UACA: variants seen among roughly 807,000 people sequenced by gnomAD.
UACA encodes the protein nuclear membrane binding protein.
A neutral mutation model predicts 160.5 loss-of-function variants in UACA; 112 were observed. The ratio of observed to expected loss-of-function variants is 0.70; its 90% confidence interval spans 0.60 to 0.82. The LOEUF (loss-of-function observed/expected upper bound fraction) is 0.82, where lower values mean the gene tolerates loss of function less well. UACA is among the 40% of genes least tolerant of loss of function. The pLI is 0.00. For missense variants in UACA, 1,574 were observed against 1,614.6 expected, an observed-to-expected ratio of 0.97 and a Z score of 0.43; for synonymous variants, 557 against 568.4, an observed-to-expected ratio of 0.98 and a Z score of 0.29.
At chr15:70,677,048 A>AC (rs1460732265) in intron 12 of UACA, 60 bp downstream of exon 12, 1 of 1,321,524 alleles carries the variant, frequency 7.6e-7, no homozygotes, top group African/African-American at 1.5e-5. Context: ...AACCTTTACT[A>AC]CTATATCATC....
In UACA at chr15:70,656,376, T is replaced by C. The variant is rs1197610915; in HGVS notation, c.*680A>G. On this transcript the variant is annotated 3_prime_UTR_variant, in exon 19 of 19. Coordinates refer to ENST00000322954, the MANE Select transcript of UACA (RefSeq NM_018003.4). ...GCAAGTAAAAATTAAGATACTGTTG[T>C]AGAGATTAAGGCAATTTTATTATAA... The C allele has an allele frequency of 6.6e-6, 1 of 152,200 alleles. No homozygotes were observed. Among genetic ancestry groups the C allele is most frequent in the African/African-American group, 2.4e-5 (1 of 41,452 alleles). The allele number at this position is 152,200 out of a possible 1,614,324, so 9.4% of individuals were successfully genotyped here. A position where few individuals can be genotyped will look rare whatever the true frequency, so the allele number is the denominator to read the frequency against.
At position 70,690,360 on chromosome 15, in the gene UACA, A is replaced by T. The variant is rs1000121676; in HGVS notation, c.424+94T>A. ...TTTAATATTCTTTGTTTCTCCATGAATTATATAAATATCTATGTGTTAAAA... is the reference window on the plus strand; with the variant it reads ...TTTAATATTCTTTGTTTCTCCATGATTTATATAAATATCTATGTGTTAAAA... On this transcript the variant is annotated intron_variant, in intron 5 of 18. Transcript: ENST00000322954. The T allele has an allele frequency of 1.1e-5, 12 of 1,103,440 alleles. No individual in the cohort carries two copies. The African/African-American group carries it at 1.6e-4, about 15-fold the overall frequency. 68.4% of individuals were successfully genotyped at this position (1,103,440 alleles called of 1,614,324 possible).
At chr15:70,745,325 C>T (rs1322695423) in intron 1 of UACA, among the ~76,000 whole-genome samples, 1 of 151,784 alleles carries the variant, frequency 6.6e-6, no homozygotes, top group Non-Finnish European at 1.5e-5. Context: ...GTCCCAGCTA[C>T]TTGGGAGGCT....
intron 15 of UACA, 50 bp from the exon 16 acceptor site, chr15:70,669,512 T>C: frequency 4.3e-6 from 6 of 1,392,422 alleles, no homozygotes; most frequent in Non-Finnish European, 5.8e-6. Context: ...AAATGAGACA[T>C]TTACTATACT....
chr15:70,765,421 T>C (rs1341751451), upstream of UACA, among the ~76,000 whole-genome samples: 1 of 152,206 alleles, frequency 6.6e-6, no homozygotes, highest in Non-Finnish European at 1.5e-5. Flanking sequence ...TTTAAGTGTA[T>C]GTCCCTTCCA....
At chr15:70,712,972 GTC>G (rs1406808107) in intron 1 of UACA, among the ~76,000 whole-genome samples, 2 of 152,290 alleles carry the variant, frequency 1.3e-5, no homozygotes. Context: ...GACAGCCCAA[GTC>G]TCTCTTCCCA....
At chr15:70,718,550 C>A (rs574606957) in intron 1 of UACA, among the ~76,000 whole-genome samples, 11 of 152,138 alleles carry the variant, frequency 7.2e-5, no homozygotes, top group African/African-American at 2.7e-4. Context: ...ACATATCTTA[C>A]GAGGCCTGTT....
At chr15:70,770,103 T>C in the UACA span, among the ~76,000 whole-genome samples, 1 of 152,236 alleles carries the variant, frequency 6.6e-6, no homozygotes, top group Non-Finnish European at 1.5e-5. Flanking sequence ...TTTTTGAACA[T>C]TTGATTACCA....
At chr15:70,670,618 A>G (rs1897103640) in intron 15 of UACA, among the ~76,000 whole-genome samples, 1 of 152,108 alleles carries the variant, frequency 6.6e-6, no homozygotes, top group Admixed American at 6.6e-5. Context: ...AGCTTGCTGC[A>G]GACCCCTACA....
intron 2 of UACA, 95 bp downstream of exon 2, chr15:70,699,432 T>G: frequency 7.1e-7 from 1 of 1,405,632 alleles, no homozygotes; most frequent in Non-Finnish European, 9.7e-7. Context: ...AATTTCTTAA[T>G]AAGTAAGTTG....
At chr15:70,680,748 T>C (rs1337836186) in intron 9 of UACA, among the ~76,000 whole-genome samples, 1 of 152,166 alleles carries the variant, frequency 6.6e-6, no homozygotes, top group Non-Finnish European at 1.5e-5. Flanking sequence ...TTAAGATCCA[T>C]CTTCCTGACA....
rs374885982 is a variant in UACA, at chr15:70,693,300, A to G, written c.301+1717T>C. 5.3e-5 allele frequency among the ~76,000 whole-genome samples: 8 copies of G among 152,324 alleles called. No individual in the cohort carries two copies. The East Asian group carries it at 1.3e-3, about 26-fold the overall frequency. On this transcript the variant is annotated intron_variant, in intron 3 of 18. Transcript: ENST00000322954. ...AAAACCAAGGAAACACCAGATCTAAAGCATACCAACATAAATTACAACACA... is the reference window on the plus strand; with the variant it reads ...AAAACCAAGGAAACACCAGATCTAAGGCATACCAACATAAATTACAACACA...
At chr15:70,718,067 C>G (rs991627776) in intron 1 of UACA, among the ~76,000 whole-genome samples, 45 of 138,376 alleles carry the variant, frequency 3.3e-4, no homozygotes, top group Admixed American at 3.1e-3. Context: ...ACATATATAT[C>G]CTATTAGTTT....
intron 4 of UACA, 43 bp downstream of exon 4, chr15:70,691,256 G>C: frequency 1.5e-6 from 2 of 1,365,572 alleles, no homozygotes; most frequent in Non-Finnish European, 2.0e-6. Flanking sequence ...TCTATGATTT[G>C]TTGTCAAAAT....
At chr15:70,744,114 G>A (rs912157467) in intron 1 of UACA, among the ~76,000 whole-genome samples, 6 of 151,714 alleles carry the variant, frequency 4.0e-5, no homozygotes, top group Non-Finnish European at 8.8e-5. Flanking sequence ...GCATAGTGGC[G>A]GGCGCCTGTA....
chr15:70,742,966 A>C (rs969167295), intron 1 of UACA, among the ~76,000 whole-genome samples: 2 of 152,146 alleles, frequency 1.3e-5, no homozygotes, highest in African/African-American at 4.8e-5. Flanking sequence ...CTGATCTCTC[A>C]AGGCCAAAAT....
At chr15:70,717,232 A>C (rs540168044) in intron 1 of UACA, among the ~76,000 whole-genome samples, 2 of 152,328 alleles carry the variant, frequency 1.3e-5, no homozygotes, top group South Asian at 2.1e-4. Context: ...AAAAACAAAC[A>C]AACAATGAAA....
chr15:70,736,673 T>G (rs1899378284), intron 1 of UACA, among the ~76,000 whole-genome samples: 1 of 152,140 alleles, frequency 6.6e-6, no homozygotes, highest in Non-Finnish European at 1.5e-5. Flanking sequence ...ACTCCTGACC[T>G]CAAATGATTT....
At chr15:70,768,960 T>C in the UACA span, among the ~76,000 whole-genome samples, 3 of 152,172 alleles carry the variant, frequency 2.0e-5, no homozygotes, top group African/African-American at 7.2e-5. Flanking sequence ...GAATGATCAA[T>C]TACGAGTAAA....
Sources: allele counts gnomAD v4.1 joint callset (sites outside exome capture counted in the v4.1 genomes callset), GRCh38; gene constraint gnomAD v4.1.1; transcripts MANE v1.5; gene names NCBI Gene and HGNC (gene_info 2026-07-23, HGNC 2026-07-21).